The following DLGAP2 variants were observed in gnomAD, a reference collection of about 807,000 sequenced individuals.
The protein encoded by DLGAP2 is disks large-associated protein 2.
A neutral mutation model predicts 100.3 loss-of-function variants in DLGAP2; 26 were observed. The ratio of observed to expected loss-of-function variants is 0.26; its 90% CI spans 0.19 to 0.36. The LOEUF (loss-of-function observed/expected upper bound fraction) is 0.36, where lower values mean the gene tolerates loss of function less well. Among genes scored for constraint, DLGAP2 ranks in the 10% least tolerant of loss-of-function variants. DLGAP2 has a pLI of 1.00. For synonymous variants in DLGAP2, 886 were observed against 630.1 expected (o/e 1.41, Z -6.08); for missense variants, 1,858 against 1,453.2 (o/e 1.28, Z -4.53).
At chr8:1,528,803 C>T (rs1439946547) in intron 4 of DLGAP2, among the ~76,000 whole-genome samples, 1 of 152,182 alleles carries the variant, frequency 6.6e-6, no homozygotes, top group African/African-American at 2.4e-5. Flanking sequence ...GTCCTGCCAT[C>T]TTAAGGAAGG....
At chr8:1,039,284 A>G (rs1164386826) in intron 2 of DLGAP2, among the ~76,000 whole-genome samples, 1 of 123,386 alleles carries the variant, frequency 8.1e-6, no homozygotes, top group African/African-American at 3.2e-5. Flanking sequence ...CTCGGTTTCC[A>G]TGGTCGGCTC....
At chr8:1,315,218 C>CCT (rs1800705202) in intron 3 of DLGAP2, among the ~76,000 whole-genome samples, 2 of 152,168 alleles carry the variant, frequency 1.3e-5, no homozygotes, top group African/African-American at 4.8e-5. Context: ...AAAAATAGAG[C>CCT]GTGTGCAAGT....
intron 3 of DLGAP2, among the ~76,000 whole-genome samples, chr8:1,378,495 C>T (rs544715686): frequency 6.6e-6 from 1 of 151,478 alleles, no homozygotes; most frequent in South Asian, 2.1e-4. Context: ...CACCTGGCCT[C>T]ACCTGTCTTT....
At chr8:1,029,276 A>C (rs993303093) in intron 2 of DLGAP2, among the ~76,000 whole-genome samples, 6 of 152,158 alleles carry the variant, frequency 3.9e-5, no homozygotes, top group African/African-American at 1.4e-4. Flanking sequence ...ATTCTGGCTG[A>C]GGCTGTCTTG....
chr8:1,198,269 A>G (rs904689831), intron 2 of DLGAP2, among the ~76,000 whole-genome samples: 2 of 152,098 alleles, frequency 1.3e-5, no homozygotes, highest in African/African-American at 4.8e-5. Flanking sequence ...GAGGAAAGGG[A>G]CTTTTGTAAG....
chr8:1,453,568 G>A (rs1431340544), intron 3 of DLGAP2, among the ~76,000 whole-genome samples: 2 of 152,096 alleles, frequency 1.3e-5, no homozygotes, highest in African/African-American at 4.8e-5. Flanking sequence ...GCAGTCATTT[G>A]CAAACTGAGT....
chr8:1,492,077 C>G (rs1410399092), intron 3 of DLGAP2, among the ~76,000 whole-genome samples: 3 of 152,216 alleles, frequency 2.0e-5, no homozygotes, highest in Non-Finnish European at 4.4e-5. Context: ...TTGAGACTTT[C>G]TCTTGGCCTG....
chr8:832,642 T>C (rs577387615), intron 1 of DLGAP2, among the ~76,000 whole-genome samples: 1 of 152,392 alleles, frequency 6.6e-6, no homozygotes, highest in East Asian at 1.9e-4. Flanking sequence ...CTGTCACTTT[T>C]CTTTTGCACT....
At chr8:1,132,040 A>G (rs1055144784) in intron 2 of DLGAP2, among the ~76,000 whole-genome samples, 1 of 152,204 alleles carries the variant, frequency 6.6e-6, no homozygotes, top group Non-Finnish European at 1.5e-5. Context: ...CTAGAATAAG[A>G]TGGTGTGTGT....
At chr8:1,657,780 A>G (rs1410370799) in intron 8 of DLGAP2, among the ~76,000 whole-genome samples, 1 of 152,252 alleles carries the variant, frequency 6.6e-6, no homozygotes, top group African/African-American at 2.4e-5. Flanking sequence ...ACAACTGATA[A>G]TTTTTAAAAT....
At chr8:932,962 A>G (rs1798992227) in intron 2 of DLGAP2, among the ~76,000 whole-genome samples, 1 of 152,224 alleles carries the variant, frequency 6.6e-6, no homozygotes, top group African/African-American at 2.4e-5. Context: ...TTTTGGGCAA[A>G]GATAAACAAT....
At chr8:921,369 C>A (rs946784527) in intron 2 of DLGAP2, among the ~76,000 whole-genome samples, 1 of 152,132 alleles carries the variant, frequency 6.6e-6, no homozygotes, top group Admixed American at 6.5e-5. Flanking sequence ...ACAGACCCGA[C>A]CTCCCTGTTG....
At chr8:1,155,540 A>ATGTGATG (rs201663695) in intron 2 of DLGAP2, among the ~76,000 whole-genome samples, 119 of 152,162 alleles carry the variant, frequency 7.8e-4, no homozygotes, top group African/African-American at 2.4e-3. Context: ...ACGACAGCAT[A>ATGTGATG]TGTGATGTGT....
chr8:1,456,366 C>T (rs1358408512), intron 3 of DLGAP2, among the ~76,000 whole-genome samples: 5 of 152,212 alleles, frequency 3.3e-5, no homozygotes, highest in African/African-American at 1.2e-4. Flanking sequence ...ATTCTGTCGT[C>T]TTCCTGACTA....
intron 4 of DLGAP2, among the ~76,000 whole-genome samples, chr8:1,532,952 C>T (rs1448777618): frequency 6.6e-6 from 1 of 152,126 alleles, no homozygotes; most frequent in Non-Finnish European, 1.5e-5. Context: ...GGTGAAATCA[C>T]ACCTTTGTTG....
intron 1 of DLGAP2, among the ~76,000 whole-genome samples, chr8:791,664 T>C (rs1310014430): frequency 1.3e-5 from 2 of 152,260 alleles, no homozygotes; most frequent in East Asian, 1.9e-4. Context: ...TGTTTTGATA[T>C]ATGCACATAA....
At chr8:1,428,721 C>CA (rs2129968101) in intron 3 of DLGAP2, among the ~76,000 whole-genome samples, 1 of 152,334 alleles carries the variant, frequency 6.6e-6, no homozygotes, top group African/African-American at 2.4e-5. Context: ...AAGGATGGCT[C>CA]AGTGCCAGCA....
chr8:1,010,243 T>TGCCCACATATGCGCACACATGC (rs1801237375), intron 2 of DLGAP2, among the ~76,000 whole-genome samples: 1 of 152,072 alleles, frequency 6.6e-6, no homozygotes, highest in African/African-American at 2.4e-5. Context: ...TACACACATG[T>TGCCCACATATGCGCACACATGC]GCCCACATAT....
At chr8:1,512,790 G>C (rs139376801) in intron 4 of DLGAP2, among the ~76,000 whole-genome samples, 3 of 152,318 alleles carry the variant, frequency 2.0e-5, no homozygotes, top group South Asian at 4.1e-4. Context: ...AGACAAACTG[G>C]GTGACTACTG....
Sources: allele counts gnomAD v4.1 joint callset (sites outside exome capture counted in the v4.1 genomes callset), GRCh38; gene constraint gnomAD v4.1.1; transcripts MANE v1.5; gene names NCBI Gene and HGNC (gene_info 2026-07-23, HGNC 2026-07-21).